The following SRGAP3 variants were observed in gnomAD, a reference collection of about 807,000 sequenced individuals.
SRGAP3 encodes the protein SLIT-ROBO Rho GTPase-activating protein 3.
A neutral mutation model predicts 121.1 loss-of-function variants in SRGAP3; 39 were observed. The ratio of observed to expected loss-of-function variants is 0.32; its 90% confidence interval spans 0.25 to 0.42. The LOEUF (loss-of-function observed/expected upper bound fraction) is 0.42, where lower values mean the gene tolerates loss of function less well. Among genes scored for constraint, SRGAP3 ranks in the 10% least tolerant of loss-of-function variants. SRGAP3 has a pLI of 1.00. For synonymous variants in SRGAP3, 601 were observed against 570.0 expected (o/e 1.05, Z -0.77); for missense variants, 1,213 against 1,470.6 (o/e 0.82, Z 2.86).
At chr3:8,987,982 A>G (rs1941819850) in intron 21 of SRGAP3, among the ~76,000 whole-genome samples, 1 of 152,160 alleles carries the variant, frequency 6.6e-6, no homozygotes, top group African/African-American at 2.4e-5. Flanking sequence ...TTTAACACAT[A>G]AAATGTAATT....
chr3:9,095,189 C>T (rs893444310), intron 3 of SRGAP3, among the ~76,000 whole-genome samples: 6 of 151,968 alleles, frequency 3.9e-5, no homozygotes, highest in African/African-American at 1.4e-4. Flanking sequence ...TGGGTGTTAA[C>T]CTTTTATTGA....
At chr3:9,125,064 C>G in intron 1 of SRGAP3, 147 bp from the exon 2 acceptor site, 1 of 882,716 alleles carries the variant, frequency 1.1e-6, no homozygotes, top group Non-Finnish European at 1.8e-6. Context: ...AGAGCTCAGA[C>G]CTTGCTTGGC....
chr3:9,041,261 G>A (rs1944999289), intron 10 of SRGAP3, among the ~76,000 whole-genome samples: 1 of 152,212 alleles, frequency 6.6e-6, no homozygotes, highest in African/African-American at 2.4e-5. Flanking sequence ...AGTTTACCCA[G>A]GGAAGCTGGT....
At chr3:9,050,437 C>A (rs1376714134) in intron 9 of SRGAP3, among the ~76,000 whole-genome samples, 1 of 152,184 alleles carries the variant, frequency 6.6e-6, no homozygotes, top group Non-Finnish European at 1.5e-5. Context: ...CTCTGTCCGC[C>A]TCATTTAAGC....
chr3:9,241,798 C>G (rs1240532025), intron 1 of SRGAP3, among the ~76,000 whole-genome samples: 1 of 152,124 alleles, frequency 6.6e-6, no homozygotes, highest in Non-Finnish European at 1.5e-5. Context: ...AGAAAGCCAA[C>G]CAGGCAAAGT....
intron 3 of SRGAP3, among the ~76,000 whole-genome samples, chr3:9,297,072 A>G (rs1423329573): frequency 6.6e-6 from 1 of 152,096 alleles, no homozygotes; most frequent in East Asian, 1.9e-4. Context: ...TTTTGTAGAA[A>G]CAAGGTCTCA....
chr3:9,360,491 T>C lies in SRGAP3; in HGVS notation n.214+2349A>G, dbSNP rs73126660. Among the ~76,000 whole-genome samples the C allele has an allele frequency of 3.3e-3, 508 of 152,356 alleles. 1 individual carries two copies. The highest frequency in any genetic ancestry group is 8.0e-3 in the African/African-American group (334 of 41,588). On this transcript the variant is annotated intron_variant and non_coding_transcript_variant, in intron 1 of 3. Coordinates refer to the SRGAP3 transcript ENST00000490889. ...TTTAATTTTTTGACGAAAGGCTAAA[T>C]TGTTTTCCAATGGACGTGTATTAGT...
At chr3:9,321,064 C>A (rs929399235) in intron 3 of SRGAP3, among the ~76,000 whole-genome samples, 1 of 151,860 alleles carries the variant, frequency 6.6e-6, no homozygotes, top group Non-Finnish European at 1.5e-5. Flanking sequence ...TTGCCTCTCA[C>A]TCTCCTGAGA....
chr3:9,066,431 C>G (rs891497149), intron 4 of SRGAP3, among the ~76,000 whole-genome samples: 3 of 152,318 alleles, frequency 2.0e-5, no homozygotes, highest in Middle Eastern at 3.4e-3. Context: ...TCCTGGCCAA[C>G]CCTAAAATCT....
chr3:9,010,286 C>T, intron 18 of SRGAP3, 22 bp downstream of exon 18: 2 of 1,613,908 alleles, frequency 1.2e-6, no homozygotes, highest in South Asian at 1.1e-5. Flanking sequence ...AATCCCTTGT[C>T]CCCAGGATCC....
chr3:9,098,914 A>C (rs920457523), intron 3 of SRGAP3, among the ~76,000 whole-genome samples: 3 of 152,096 alleles, frequency 2.0e-5, no homozygotes, highest in African/African-American at 7.2e-5. Context: ...TCTCCCTGGG[A>C]GACGGTGGAG....
chr3:9,231,450 A>G (rs1443512363), intron 1 of SRGAP3, among the ~76,000 whole-genome samples: 2 of 152,192 alleles, frequency 1.3e-5, no homozygotes, highest in Non-Finnish European at 2.9e-5. Context: ...TCTCCTAGCA[A>G]TATAATTTCT....
chr3:9,243,836 C>T (rs551905161), intron 1 of SRGAP3, among the ~76,000 whole-genome samples: 9 of 152,082 alleles, frequency 5.9e-5, no homozygotes, highest in Non-Finnish European at 1.3e-4. Context: ...ACTGTTCTAC[C>T]GACATGTTTG....
intron 3 of SRGAP3, among the ~76,000 whole-genome samples, chr3:9,298,564 T>C (rs1954993544): frequency 6.6e-6 from 1 of 151,576 alleles, no homozygotes; most frequent in Admixed American, 6.6e-5. Flanking sequence ...ATGGATCCTA[T>C]GTACCCTTTC....
intron 1 of SRGAP3, among the ~76,000 whole-genome samples, chr3:9,172,625 T>C (rs949826088): frequency 1.3e-5 from 2 of 152,244 alleles, no homozygotes; most frequent in African/African-American, 2.4e-5. Context: ...AGCCGAGCTC[T>C]GGGCTGGCCA....
chr3:9,245,847 C>T (rs1004923299), intron 1 of SRGAP3, among the ~76,000 whole-genome samples: 1 of 152,108 alleles, frequency 6.6e-6, no homozygotes, highest in Non-Finnish European at 1.5e-5. Flanking sequence ...TCTCTTGAAC[C>T]CAAGAGGCGG....
At chr3:8,995,316 T>A (rs879289207) in intron 18 of SRGAP3, among the ~76,000 whole-genome samples, 57 of 151,538 alleles carry the variant, frequency 3.8e-4, no homozygotes, top group Admixed American at 2.7e-3. Flanking sequence ...CAAAAAAAAA[T>A]TTTTTTTTAA....
chr3:9,080,497 A>G (rs1253105599), intron 3 of SRGAP3, among the ~76,000 whole-genome samples: 5 of 152,224 alleles, frequency 3.3e-5, no homozygotes, highest in Non-Finnish European at 7.3e-5. Flanking sequence ...CATAGAACAC[A>G]CTTTGAGAAA....
At chr3:9,155,486 C>A (rs1950386979) in intron 1 of SRGAP3, among the ~76,000 whole-genome samples, 1 of 152,136 alleles carries the variant, frequency 6.6e-6, no homozygotes, top group Admixed American at 6.5e-5. Context: ...GCTTCTCCTT[C>A]ATTCCCTCCA....
Sources: allele counts gnomAD v4.1 joint callset (sites outside exome capture counted in the v4.1 genomes callset), GRCh38; gene constraint gnomAD v4.1.1; transcripts MANE v1.5; gene names NCBI Gene and HGNC (gene_info 2026-07-23, HGNC 2026-07-21).